STRN3: variants seen among roughly 807,000 people sequenced by gnomAD.
STRN3 encodes the protein striatin 3, also known as striatin-3.
Under a neutral mutation model 95.6 loss-of-function variants are expected in STRN3, and 29 were observed. The observed-to-expected ratio is 0.30, with a 90% CI of 0.23 to 0.41. The LOEUF (loss-of-function observed/expected upper bound fraction) is 0.41. STRN3 is among the 10% of genes least tolerant of loss of function. The pLI is 1.00. For missense variants in STRN3, 890 were observed against 972.1 expected, an observed-to-expected ratio of 0.92 and a Z score of 1.12; for synonymous variants, 331 against 357.6, an observed-to-expected ratio of 0.93 and a Z score of 0.84.
intron 8 of STRN3, among the ~76,000 whole-genome samples, chr14:30,922,276 C>T (rs1341393734): frequency 6.6e-6 from 1 of 152,046 alleles, no homozygotes; most frequent in African/African-American, 2.4e-5. Flanking sequence ...AATCCTCTCT[C>T]CTAAGCATCC....
chr14:31,025,781 A>G (rs1363980301), intron 1 of STRN3, 123 bp downstream of exon 1: 1 of 1,330,382 alleles, frequency 7.5e-7, no homozygotes, highest in Non-Finnish European at 1.0e-6. Context: ...CAACCTGAGC[A>G]GCACAGGTAG....
chr14:30,902,076 C>A (rs963948987), intron 16 of STRN3, among the ~76,000 whole-genome samples: 4 of 143,344 alleles, frequency 2.8e-5, no homozygotes, highest in African/African-American at 1.0e-4. Context: ...GAGGCTGAGG[C>A]AGGATAATCG....
chr14:30,981,762 A>G (rs1489573780), intron 1 of STRN3, among the ~76,000 whole-genome samples: 1 of 152,180 alleles, frequency 6.6e-6, no homozygotes, highest in Non-Finnish European at 1.5e-5. Context: ...AGAGCTTATA[A>G]AATTTTTCAT....
chr14:30,921,431 T>A (rs987098464), intron 8 of STRN3, among the ~76,000 whole-genome samples: 1 of 152,160 alleles, frequency 6.6e-6, no homozygotes, highest in African/African-American at 2.4e-5. Flanking sequence ...CCAAATTATA[T>A]AATATTATTT....
intron 3 of STRN3, 40 bp from the exon 4 acceptor site, chr14:30,950,984 C>G: frequency 6.5e-7 from 1 of 1,549,192 alleles, no homozygotes; most frequent in Non-Finnish European, 8.8e-7. Flanking sequence ...TACTTTATTT[C>G]GACTCCTGAA....
chr14:31,013,024 T>C (rs578034692), intron 1 of STRN3, among the ~76,000 whole-genome samples: 1 of 152,216 alleles, frequency 6.6e-6, no homozygotes, highest in East Asian at 1.9e-4. Context: ...TTTGAGAGGC[T>C]GAGGTGGGCA....
chr14:30,965,474 G>A (rs1438426548), intron 1 of STRN3, among the ~76,000 whole-genome samples: 2 of 151,896 alleles, frequency 1.3e-5, no homozygotes, highest in African/African-American at 4.8e-5. Context: ...GTCACTTGAG[G>A]CCAGGAGTTC....
chr14:30,903,721 A>G (rs79053528), intron 15 of STRN3, among the ~76,000 whole-genome samples: 2,207 of 152,336 alleles, frequency 0.014, 21 homozygotes, highest in Non-Finnish European at 0.021. Context: ...TCTAAAAGAA[A>G]TTAATGAAAA....
intron 1 of STRN3, among the ~76,000 whole-genome samples, chr14:30,997,175 T>C (rs560074548): frequency 1.3e-5 from 2 of 152,108 alleles, no homozygotes; most frequent in Non-Finnish European, 2.9e-5. Flanking sequence ...AAGGCCTGCA[T>C]GGAAAAAGGA....
intron 1 of STRN3, among the ~76,000 whole-genome samples, chr14:30,969,207 G>A (rs1005560897): frequency 9.9e-5 from 15 of 152,190 alleles, no homozygotes; most frequent in Non-Finnish European, 2.2e-4. Flanking sequence ...AGGCCGAGGA[G>A]GGCAAATCAT....
rs1896071935 is a variant in STRN3 at position 30,894,391 on chromosome 14, G to A, written c.*1020C>T. On this transcript the variant is annotated 3_prime_UTR_variant, in exon 18 of 18. Coordinates refer to ENST00000357479, the MANE Select transcript of STRN3 (RefSeq NM_001083893.2). ...AAAGAGTTCCAAAATAGATATACAG[G>A]TTCCTTTAGCACATTAATAAAAGGA... is the stretch of plus-strand genomic sequence containing the variant. 2 of 152,442 alleles carry A rather than the reference G, an allele frequency of 1.3e-5. No homozygotes were observed. The highest frequency in any genetic ancestry group is 4.1e-4 in the South Asian group (2 of 4,826). 9.4% of individuals were successfully genotyped at this position (152,442 alleles called of 1,614,324 possible).
chr14:30,945,161 A>C (rs1879297896), intron 5 of STRN3, among the ~76,000 whole-genome samples: 1 of 152,200 alleles, frequency 6.6e-6, no homozygotes, highest in South Asian at 2.1e-4. Flanking sequence ...GTTAGACAAT[A>C]ACAAGTGTTG....
intron 1 of STRN3, among the ~76,000 whole-genome samples, chr14:31,014,988 C>T (rs578113302): frequency 2.0e-5 from 3 of 152,068 alleles, no homozygotes; most frequent in South Asian, 2.1e-4. Context: ...CCACCATGCC[C>T]GGCTAATTTT....
At chr14:31,020,179 AC>A (rs1883437703) in intron 1 of STRN3, among the ~76,000 whole-genome samples, 1 of 152,194 alleles carries the variant, frequency 6.6e-6, no homozygotes, top group Non-Finnish European at 1.5e-5. Context: ...GTACTGAAGA[AC>A]CAAAAATAAT....
intron 3 of STRN3, among the ~76,000 whole-genome samples, chr14:30,952,953 A>G (rs995737074): frequency 1.3e-5 from 2 of 152,190 alleles, no homozygotes; most frequent in Non-Finnish European, 2.9e-5. Context: ...TTCTACCTGA[A>G]AATATACATA....
chr14:31,024,695 T>C (rs998836187), intron 1 of STRN3, among the ~76,000 whole-genome samples: 1 of 152,114 alleles, frequency 6.6e-6, no homozygotes, highest in Admixed American at 6.6e-5. Context: ...GTTAATCCAA[T>C]CCTCCTCCTT....
intron 1 of STRN3, among the ~76,000 whole-genome samples, chr14:31,013,535 G>T (rs560067542): frequency 6.6e-6 from 1 of 152,086 alleles, no homozygotes; most frequent in South Asian, 2.1e-4. Context: ...ACTTGGCAGT[G>T]GGGGGTGGTA....
intron 8 of STRN3, among the ~76,000 whole-genome samples, chr14:30,919,554 A>G (rs573714356): frequency 1.4e-4 from 21 of 152,302 alleles, no homozygotes; most frequent in African/African-American, 5.1e-4. Context: ...ACAAAGGAAT[A>G]AGTACGAGTA....
At chr14:31,010,365 T>A (rs1363462013) in intron 1 of STRN3, among the ~76,000 whole-genome samples, 1 of 144,278 alleles carries the variant, frequency 6.9e-6, no homozygotes. Flanking sequence ...TATCTCCTAA[T>A]GCTATCCCTC....
Sources: allele counts gnomAD v4.1 joint callset (sites outside exome capture counted in the v4.1 genomes callset), GRCh38; gene constraint gnomAD v4.1.1; transcripts MANE v1.5; gene names NCBI Gene and HGNC (gene_info 2026-07-23, HGNC 2026-07-21).